The following CTNNA3 variants were observed in gnomAD, a reference collection of about 807,000 sequenced individuals.
CTNNA3 encodes catenin alpha-3.
Under a neutral mutation model 95.7 loss-of-function variants are expected in CTNNA3, and 76 were observed. The observed-to-expected ratio is 0.79, with a 90% CI of 0.66 to 0.96. The LOEUF is 0.96. Among genes scored for constraint, CTNNA3 ranks in the 40% least tolerant of loss-of-function variants. The pLI is 0.00. For missense variants in CTNNA3, 1,191 were observed against 1,089.8 expected (o/e 1.09, Z -1.31); for synonymous variants, 431 against 374.4 (o/e 1.15, Z -1.74).
At chr10:67,525,660 G>GA (rs1023632051) in intron 4 of CTNNA3, among the ~76,000 whole-genome samples, 10 of 151,106 alleles carry the variant, frequency 6.6e-5, no homozygotes, top group Non-Finnish European at 1.0e-4. Context: ...GAAACAGCAG[G>GA]AAAAAAAAAT....
intron 10 of CTNNA3, among the ~76,000 whole-genome samples, chr10:66,595,738 ATGATC>A (rs572486420): frequency 6.6e-6 from 1 of 152,180 alleles, no homozygotes; most frequent in African/African-American, 2.4e-5. Flanking sequence ...CTGGGCTCAA[ATGATC>A]CTCCCCCCTT....
chr10:66,063,209 T>TATATAG lies in CTNNA3; in HGVS notation c.2159+6093_2159+6098dup, dbSNP rs60684754. Among the ~76,000 whole-genome samples, 10 of 121,734 alleles carry TATATAG rather than the reference T, an allele frequency of 8.2e-5. No homozygotes were observed. The East Asian group carries it at 8.6e-4, about 11-fold the overall frequency. The allele number at this position is 121,734 out of a possible 152,430, so 79.9% of individuals were successfully genotyped here. ...CTGGATACATGTATATATATATATA[T>TATATAG]ATATAGATATAGATATAGATAGATA... On this transcript the variant is annotated intron_variant, in intron 15 of 17. Transcript: ENST00000433211.
At chr10:67,149,598 A>G (rs547040429) in intron 7 of CTNNA3, among the ~76,000 whole-genome samples, 6 of 152,284 alleles carry the variant, frequency 3.9e-5, no homozygotes, top group Middle Eastern at 3.4e-3. Flanking sequence ...AAACAAAAAG[A>G]AAGTCAAAAG....
chr10:66,927,275 G>C lies in CTNNA3; in HGVS notation c.1048-151751C>G. The C allele has an allele frequency of 6.2e-7, 1 of 1,614,068 alleles. No individual in the cohort carries two copies. The highest frequency in any genetic ancestry group is 1.1e-5 in the South Asian group (1 of 91,080). ...AAAGAGCTGATTCTTAGTTCCAATA[G>C]AATCTCCTATTTTCTTAACAATACC... On this transcript the variant is annotated intron_variant, in intron 7 of 17. Coordinates refer to ENST00000433211, the MANE Select transcript of CTNNA3 (RefSeq NM_013266.4). The surrounding 1 kb of genome is among the most constrained non-coding windows in gnomAD (Gnocchi z 4.7).
intron 2 of CTNNA3, among the ~76,000 whole-genome samples, chr10:67,629,047 C>T (rs1342553194): frequency 6.6e-6 from 1 of 151,722 alleles, no homozygotes; most frequent in Non-Finnish European, 1.5e-5. Context: ...GCTAAACTAC[C>T]ATCAAGCAGA....
chr10:67,399,553 G>A (rs1423023105), intron 5 of CTNNA3, among the ~76,000 whole-genome samples: 1 of 152,092 alleles, frequency 6.6e-6, no homozygotes, highest in African/African-American at 2.4e-5. Context: ...GGCATTTTAT[G>A]CTTTCTCACT....
intron 15 of CTNNA3, among the ~76,000 whole-genome samples, chr10:65,992,371 A>G (rs1021842068): frequency 3.9e-5 from 6 of 152,050 alleles, no homozygotes; most frequent in Admixed American, 3.3e-4. Context: ...AAAGGAACCA[A>G]TTCTGGGCTT....
At chr10:66,870,686 T>C (rs1208466097) in intron 7 of CTNNA3, among the ~76,000 whole-genome samples, 1 of 152,210 alleles carries the variant, frequency 6.6e-6, no homozygotes, top group Non-Finnish European at 1.5e-5. Context: ...TCATTGATTA[T>C]TCCTATTGTT....
intron 5 of CTNNA3, among the ~76,000 whole-genome samples, chr10:67,252,197 C>T (rs2132361302): frequency 7.6e-6 from 1 of 132,332 alleles, no homozygotes; most frequent in East Asian, 2.1e-4. Context: ...GGCAACAGAG[C>T]AACAGAGTGA....
intron 9 of CTNNA3, among the ~76,000 whole-genome samples, chr10:66,667,791 C>T (rs1846509393): frequency 6.6e-6 from 1 of 152,046 alleles, no homozygotes; most frequent in Non-Finnish European, 1.5e-5. Context: ...CTTAAATATT[C>T]TATTGACTGC....
chr10:66,219,289 A>G (rs1429536091), intron 13 of CTNNA3, among the ~76,000 whole-genome samples: 1 of 152,176 alleles, frequency 6.6e-6, no homozygotes, highest in Non-Finnish European at 1.5e-5. Context: ...GATATGAATC[A>G]TCAGCAGATA....
chr10:67,190,476 T>A (rs1863070976), intron 6 of CTNNA3, among the ~76,000 whole-genome samples: 1 of 151,892 alleles, frequency 6.6e-6, no homozygotes, highest in South Asian at 2.1e-4. Context: ...GGTAGTAAAG[T>A]TTTAATTTTT....
intron 3 of CTNNA3, among the ~76,000 whole-genome samples, chr10:67,601,482 A>G (rs1843082214): frequency 6.6e-6 from 1 of 151,850 alleles, no homozygotes; most frequent in Admixed American, 6.6e-5. Flanking sequence ...CCTGCCACTC[A>G]CCTCCTGCTG....
At chr10:66,217,822 A>C (rs2088652389) in intron 13 of CTNNA3, among the ~76,000 whole-genome samples, 1 of 152,172 alleles carries the variant, frequency 6.6e-6, no homozygotes, top group Non-Finnish European at 1.5e-5. Flanking sequence ...GTAGGGATAG[A>C]GACAGGAGAT....
intron 13 of CTNNA3, among the ~76,000 whole-genome samples, chr10:66,239,356 G>A (rs1034914237): frequency 6.6e-6 from 1 of 151,710 alleles, no homozygotes; most frequent in Admixed American, 6.6e-5. Flanking sequence ...ATTGAAAAAA[G>A]CTAAGGTATG....
rs545530518 is a variant in CTNNA3 at position 66,177,709 on chromosome 10, T to C, written c.1885-74460A>G. 9.9e-5 allele frequency among the ~76,000 whole-genome samples: 15 copies of C among 152,134 alleles called. No homozygotes were observed. In the South Asian group the frequency reaches 3.1e-3, roughly 32 times the overall value. Reference sequence around the variant, plus strand: ...ATGAATATGAATTATTTCTACTGGGTACCTATATACATGTTTTAAATATTC... The same window carrying C: ...ATGAATATGAATTATTTCTACTGGGCACCTATATACATGTTTTAAATATTC... On this transcript the variant is annotated intron_variant, in intron 13 of 17. Transcript: ENST00000433211.
At chr10:65,976,350 T>A (rs1295764280) in intron 16 of CTNNA3, among the ~76,000 whole-genome samples, 1 of 152,130 alleles carries the variant, frequency 6.6e-6, no homozygotes, top group Non-Finnish European at 1.5e-5. Flanking sequence ...AGTAATCAGA[T>A]TCTTGACCAA....
chr10:67,622,442 C>T (rs920438925), intron 2 of CTNNA3, among the ~76,000 whole-genome samples: 3 of 151,996 alleles, frequency 2.0e-5, no homozygotes, highest in African/African-American at 4.8e-5. Context: ...GGTTGGAGAA[C>T]CCTGAAAAAG....
At chr10:66,992,028 C>T (rs1270162862) in intron 7 of CTNNA3, among the ~76,000 whole-genome samples, 1 of 152,094 alleles carries the variant, frequency 6.6e-6, no homozygotes, top group East Asian at 1.9e-4. Flanking sequence ...CAGCAAACAT[C>T]CTTGTATGTC....
Sources: gnomAD v4.1 joint callset for allele counts (sites outside exome capture counted in the v4.1 genomes callset) on GRCh38, gnomAD v4.1.1 for gene constraint, Gnocchi (gnomAD v3.1) non-coding constraint, MANE v1.5 for transcripts, NCBI Gene and HGNC (gene_info 2026-07-23, HGNC 2026-07-21) for gene names.